The following B3GAT2 variants were observed in gnomAD, a reference collection of about 807,000 sequenced individuals.
B3GAT2 encodes the protein beta-1,3-glucuronyltransferase 2, also known as galactosylgalactosylxylosylprotein 3-beta-glucuronosyltransferase 2.
Under a neutral mutation model 27.8 loss-of-function variants are expected in B3GAT2, and 26 were observed. The ratio of observed to expected loss-of-function variants is 0.93; its 90% CI spans 0.68 to 1.30. B3GAT2 has a LOEUF of 1.30. Ranked by LOEUF, B3GAT2 falls within the 50% of genes most tolerant of loss-of-function variation. B3GAT2 has a pLI of 0.00. For synonymous variants in B3GAT2, 218 were observed against 195.1 expected (o/e 1.12, Z -0.98); for missense variants, 458 against 459.0 (o/e 1.00, Z 0.02).
Position 70,857,783 on chromosome 6 carries a change from C to G in B3GAT2, c.*3880G>C. 1.2e-6 allele frequency: 1 copy of G among 851,538 alleles called. No homozygotes were observed. Among genetic ancestry groups the G allele is most frequent in the Non-Finnish European group, 1.8e-6 (1 of 558,408 alleles). The allele number at this position is 851,538 out of a possible 1,614,324, so 52.7% of individuals were successfully genotyped here. On this transcript the variant is annotated 3_prime_UTR_variant, in exon 4 of 4. Coordinates refer to ENST00000230053, the MANE Select transcript of B3GAT2 (RefSeq NM_080742.3). Reference sequence around the variant, plus strand: ...TCTCAGGGTTTAGGTGTGGGTTGGTCTGAGTAGTAGGAGCAGCCAAACTGG... The same window carrying G: ...TCTCAGGGTTTAGGTGTGGGTTGGTGTGAGTAGTAGGAGCAGCCAAACTGG...
intron 2 of B3GAT2, among the ~76,000 whole-genome samples, chr6:70,888,803 C>T (rs1562219370): frequency 6.6e-6 from 1 of 152,234 alleles, no homozygotes; most frequent in East Asian, 1.9e-4. Flanking sequence ...AAAACACACC[C>T]TGCCCATGAT....
At chr6:70,870,602 T>A (rs951155915) in intron 2 of B3GAT2, among the ~76,000 whole-genome samples, 1 of 151,914 alleles carries the variant, frequency 6.6e-6, no homozygotes, top group East Asian at 1.9e-4. Context: ...CAAACAGCCA[T>A]GTAAATAAAC....
At chr6:70,944,323 A>C (rs576655722) in intron 1 of B3GAT2, among the ~76,000 whole-genome samples, 1 of 152,232 alleles carries the variant, frequency 6.6e-6, no homozygotes, top group Non-Finnish European at 1.5e-5. Context: ...TTTCCTAGTC[A>C]AAGAAAGGGG....
rs773431092 is a variant in B3GAT2 at position 70,861,868 on chromosome 6, CTG to C, written c.845_846del (p.Thr282SerfsTer10). ...TTTGCTTTCGGTTCCAGTTCTTCGA[CTG>C]TTGTTATCTGTTTGAGAAAGTCAGA... ...QESDFLKQIT[T>X]VEELEPKANN... On this transcript the variant is annotated frameshift_variant, in exon 3 of 4. Coordinates refer to ENST00000230053, the MANE Select transcript of B3GAT2 (RefSeq NM_080742.3). LOFTEE classifies it high-confidence loss of function. 2.5e-6 allele frequency: 4 copies of C among 1,614,012 alleles called. No individual in the cohort carries two copies. Among genetic ancestry groups the C allele is most frequent in the Non-Finnish European group, 1.7e-6 (2 of 1,179,974 alleles).
At chr6:70,936,241 A>G (rs1273455720) in intron 1 of B3GAT2, among the ~76,000 whole-genome samples, 5 of 152,144 alleles carry the variant, frequency 3.3e-5, no homozygotes, top group Non-Finnish European at 7.3e-5. Flanking sequence ...AGGAGCACCC[A>G]GATTCATAAA....
intron 2 of B3GAT2, among the ~76,000 whole-genome samples, chr6:70,889,026 A>AGG (rs1772239399): frequency 6.6e-6 from 1 of 152,192 alleles, no homozygotes; most frequent in Non-Finnish European, 1.5e-5. Flanking sequence ...CCTTGAGGCG[A>AGG]GGGGCTGCTA....
chr6:70,859,309 A>C lies in B3GAT2; in HGVS notation c.*2354T>G. On this transcript the variant is annotated 3_prime_UTR_variant, in exon 4 of 4. Transcript: ENST00000230053. ...TGCTAGATGAACCAGGAAGGAGTTA[A>C]TACTGGCTCTTACTTCCAGATAATG... The C allele has an allele frequency of 6.5e-7, 1 of 1,536,728 alleles. No homozygotes were observed. Among genetic ancestry groups the C allele is most frequent in the Non-Finnish European group, 8.8e-7 (1 of 1,138,442 alleles).
intron 2 of B3GAT2, among the ~76,000 whole-genome samples, chr6:70,871,716 CTCTAA>C (rs572841111): frequency 0.013 from 2,002 of 151,702 alleles, 12 homozygotes; most frequent in Non-Finnish European, 0.022. Context: ...CTGTATTTTT[CTCTAA>C]TCTAATAACT....
Position 70,956,552 on chromosome 6 carries a change from G to T in B3GAT2, c.-123C>A. ...TGGTGATGGGTGCGCTGTCCATGGG[G>T]CCGAGGGCGCTGCAGAGACCTGGAG... On this transcript the variant is annotated 5_prime_UTR_variant, in exon 1 of 4. Transcript: ENST00000230053. 6.7e-7 allele frequency: 1 copy of T among 1,493,176 alleles called. No homozygotes were observed. The highest frequency in any genetic ancestry group is 8.9e-7 in the Non-Finnish European group (1 of 1,125,292). 92.5% of individuals were successfully genotyped at this position (1,493,176 alleles called of 1,614,324 possible).
chr6:70,955,454 T>TC, intron 1 of B3GAT2, among the ~76,000 whole-genome samples: 1 of 98,508 alleles, frequency 1.0e-5, no homozygotes, highest in East Asian at 3.4e-4. Flanking sequence ...ACGGTGCAGG[T>TC]CCCTCCCTGA....
chr6:70,942,716 A>G (rs1403502771), intron 1 of B3GAT2, among the ~76,000 whole-genome samples: 1 of 152,194 alleles, frequency 6.6e-6, no homozygotes, highest in Non-Finnish European at 1.5e-5. Context: ...CCTTGTACAC[A>G]GTAGGTGCTC....
intron 1 of B3GAT2, among the ~76,000 whole-genome samples, chr6:70,951,047 G>A (rs1423134365): frequency 6.6e-6 from 1 of 152,028 alleles, no homozygotes; most frequent in Admixed American, 6.6e-5. Context: ...ATTTTGGTGG[G>A]AGAATTTGAG....
rs549994538 is a variant in B3GAT2, at chr6:70,859,559, C to G, written c.*2104G>C. On this transcript the variant is annotated 3_prime_UTR_variant, in exon 4 of 4. Transcript: ENST00000230053. ...CTAACTCTGAGTGTAAGTTTTAAAC[C>G]CACTCACTATATGGTAAATCTTGCC... The G allele has an allele frequency of 4.9e-4, 260 of 533,308 alleles. 6 individuals are homozygous for G. In the South Asian group the frequency reaches 5.6e-3, roughly 11 times the overall value. 33.0% of individuals were successfully genotyped at this position (533,308 alleles called of 1,614,324 possible). A position where few individuals can be genotyped will look rare whatever the true frequency, so the allele number is the denominator to read the frequency against.
chr6:70,900,373 G>A lies in B3GAT2; in HGVS notation c.592-6101C>T, dbSNP rs1772477232. Among the ~76,000 whole-genome samples the A allele has an allele frequency of 2.0e-5, 3 of 151,444 alleles. No individual in the cohort carries two copies. In the South Asian group the frequency reaches 6.3e-4, roughly 32 times the overall value. On this transcript the variant is annotated intron_variant, in intron 1 of 3. Transcript: ENST00000230053. ...AAGGAGGGAGGCAGGTGACTACCAT[G>A]CACTCCAGTCTGGTGGCCCTTAACA...
intron 1 of B3GAT2, among the ~76,000 whole-genome samples, chr6:70,946,441 A>C (rs1765485108): frequency 6.6e-6 from 1 of 152,020 alleles, no homozygotes; most frequent in Non-Finnish European, 1.5e-5. Context: ...CTAGTCTCTG[A>C]TAAAACAGAC....
At chr6:70,879,698 G>A (rs1423452569) in intron 2 of B3GAT2, among the ~76,000 whole-genome samples, 1 of 152,128 alleles carries the variant, frequency 6.6e-6, no homozygotes, top group Admixed American at 6.5e-5. Context: ...GGTGCTATGT[G>A]AAGAAATCTG....
chr6:70,897,608 G>A (rs1159389212), intron 1 of B3GAT2, among the ~76,000 whole-genome samples: 15 of 149,298 alleles, frequency 1.0e-4, no homozygotes, highest in African/African-American at 3.4e-4. Flanking sequence ...GTGTGGTGGG[G>A]AACACCTGTA....
intron 2 of B3GAT2, among the ~76,000 whole-genome samples, chr6:70,875,322 T>C (rs1022850548): frequency 2.0e-5 from 3 of 152,166 alleles, no homozygotes; most frequent in African/African-American, 7.2e-5. Flanking sequence ...ATCTCAAAAC[T>C]ATCCAAGTGA....
intron 2 of B3GAT2, among the ~76,000 whole-genome samples, chr6:70,891,522 T>C (rs1029364757): frequency 6.6e-6 from 1 of 152,220 alleles, no homozygotes; most frequent in Non-Finnish European, 1.5e-5. Context: ...GCAGTTTCAA[T>C]GTTTGATACT....
Sources: gnomAD v4.1 joint callset for allele counts (sites outside exome capture counted in the v4.1 genomes callset) on GRCh38, gnomAD v4.1.1 for gene constraint, MANE v1.5 for transcripts, NCBI Gene and HGNC (gene_info 2026-07-23, HGNC 2026-07-21) for gene names.